The following NLRC5 variants were observed in gnomAD, a reference collection of about 807,000 sequenced individuals.
The protein encoded by NLRC5 is NLR family CARD domain containing 5, also known as protein NLRC5.
NLRC5 carries 114 observed loss-of-function variants against 206.9 expected under a neutral mutation model. That is an observed-to-expected ratio of 0.55 (90% confidence interval 0.47 to 0.64). The LOEUF is 0.64. Among genes scored for constraint, NLRC5 ranks in the 30% least tolerant of loss-of-function variants. The probability of loss-of-function intolerance (pLI) is 0.00; values close to 1 mark genes in which losing one functional copy is unlikely to be tolerated. For synonymous variants in NLRC5, 952 were observed against 962.8 expected (o/e 0.99, Z 0.21); for missense variants, 2,008 against 2,305.5 (o/e 0.87, Z 2.64).
In NLRC5 at chr16:57,029,819, G is replaced by A; in HGVS notation, c.2290G>A (p.Glu764Lys). The A allele has an allele frequency of 6.8e-6, 11 of 1,614,156 alleles. No homozygotes were observed. The highest frequency in any genetic ancestry group is 9.3e-6 in the Non-Finnish European group (11 of 1,180,030). Residue 764 changes from glutamate (E) to lysine (K), a missense_variant, in exon 9 of 49, where the codon GAG becomes AAG. By Grantham distance (56) the Glu-to-Lys change is moderately conservative. Coordinates refer to ENST00000688547, the MANE Select transcript of NLRC5 (RefSeq NM_001384950.1). ...TGACCAGGTGGTGCTGAACATTGTG[G>A]AGGTTCTCCCTCACCTACCACGGCT... ...LSDQVVLNIVEVLPHLPRLRK... is the reference protein window; with the variant it reads ...LSDQVVLNIVKVLPHLPRLRK...
At chr16:57,078,789 T>G (rs1049409919) in intron 43 of NLRC5, among the ~76,000 whole-genome samples, 2 of 152,162 alleles carry the variant, frequency 1.3e-5, no homozygotes, top group Non-Finnish European at 2.9e-5. Flanking sequence ...GACTTTTATG[T>G]GCTCCCTTTT....
Position 57,048,510 on chromosome 16 carries a change from A to G in NLRC5, c.3422+882A>G, listed in dbSNP as rs144837197. Reference sequence around the variant, plus strand: ...GTCCTTCTCCAGGTTCAAACATATAACCACAAAACCATTATCAGACCTACA... The same window carrying G: ...GTCCTTCTCCAGGTTCAAACATATAGCCACAAAACCATTATCAGACCTACA... On this transcript the variant is annotated intron_variant, in intron 23 of 48. Coordinates refer to ENST00000688547, the MANE Select transcript of NLRC5 (RefSeq NM_001384950.1). Among the ~76,000 whole-genome samples, 83 of 150,766 alleles carry G rather than the reference A, an allele frequency of 5.5e-4. 1 individual carries two copies. The East Asian group carries it at 0.013, about 24-fold the overall frequency.
At chr16:56,997,729 C>T (rs772539104) in intron 1 of NLRC5, among the ~76,000 whole-genome samples, 1 of 152,042 alleles carries the variant, frequency 6.6e-6, no homozygotes, top group African/African-American at 2.4e-5. Context: ...CACAGGCACA[C>T]GACACCATGC....
chr16:57,000,666 G>A (rs1271812170), intron 1 of NLRC5, among the ~76,000 whole-genome samples: 1 of 152,116 alleles, frequency 6.6e-6, no homozygotes, highest in Non-Finnish European at 1.5e-5. Context: ...AAGTCCTTTA[G>A]GGCCCTATCT....
chr16:57,035,464 C>A (rs901021071), intron 13 of NLRC5, among the ~76,000 whole-genome samples: 9 of 152,136 alleles, frequency 5.9e-5, no homozygotes, highest in African/African-American at 2.2e-4. Flanking sequence ...CCCCATCTGA[C>A]CCCATCCTTC....
At chr16:57,037,117 C>T (rs2062684942) in intron 14 of NLRC5, 78 bp from the exon 15 acceptor site, 2 of 1,197,362 alleles carry the variant, frequency 1.7e-6, no homozygotes, top group African/African-American at 3.0e-5. Flanking sequence ...GCTGCTGAGC[C>T]ACAGGGAGGG....
intron 39 of NLRC5, 140 bp downstream of exon 39, chr16:57,074,823 C>G (rs897844504): frequency 1.2e-5 from 9 of 770,468 alleles, no homozygotes; most frequent in South Asian, 6.0e-5. Flanking sequence ...TGTGCCCTCC[C>G]AGGTGGGTGC....
At chr16:57,029,683 C>A in intron 8 of NLRC5, 90 bp from the exon 9 acceptor site, 1 of 1,032,174 alleles carries the variant, frequency 9.7e-7, no homozygotes, top group Non-Finnish European at 1.5e-6. Flanking sequence ...ATGTCTCCCA[C>A]ATGAGGGTGG....
chr16:57,066,580 C>T lies in NLRC5; in HGVS notation c.4288C>T (p.Arg1430Cys), dbSNP rs557005239. 33 of 1,613,922 alleles carry T rather than the reference C, an allele frequency of 2.0e-5. No individual in the cohort carries two copies. Among genetic ancestry groups the T allele is most frequent in the African/African-American group, 1.6e-4 (12 of 74,908 alleles). ...GCTCTGTGTCCAGCTGGAATTTCCT[C>T]GCCAGGAAGAGAATCCAGAAGCTGT... Reference protein sequence around the residue: ...QQLCVQLEFPRQEENPEAVAL... With the variant: ...QQLCVQLEFPCQEENPEAVAL... The change falls in exon 34 of 49, where the codon CGC becomes TGC. Residue 1430 changes from arginine (R) to cysteine (C), a missense_variant. Arg to Cys is a radical substitution (Grantham distance 180). Transcript: ENST00000688547.
At chr16:57,067,690 G>A in intron 35 of NLRC5, 46 bp from the exon 36 acceptor site, 1 of 1,569,810 alleles carries the variant, frequency 6.4e-7, no homozygotes, top group Non-Finnish European at 8.8e-7. Context: ...GACCTCTGAG[G>A]TGTGTCCAGC....
At chr16:57,015,245 G>A (rs1337126671) in intron 1 of NLRC5, among the ~76,000 whole-genome samples, 1 of 152,110 alleles carries the variant, frequency 6.6e-6, no homozygotes, top group Non-Finnish European at 1.5e-5. Context: ...CTCTTCTTGT[G>A]AGGGCAGTAA....
chr16:57,047,468 A>G, intron 22 of NLRC5, 77 bp from the exon 23 acceptor site: 1 of 1,269,316 alleles, frequency 7.9e-7, no homozygotes, highest in Non-Finnish European at 1.1e-6. Flanking sequence ...ATGCTGGGAG[A>G]AGGATAGAGC....
At chr16:56,998,549 T>G (rs7198642) in intron 1 of NLRC5, among the ~76,000 whole-genome samples, 27,540 of 152,172 alleles carry the variant, frequency 0.18, 2,530 homozygotes, top group South Asian at 0.25. Context: ...AGAGAGGCTA[T>G]GTAACTGGCC....
intron 2 of NLRC5, among the ~76,000 whole-genome samples, chr16:57,017,407 A>C (rs2060205106): frequency 6.6e-6 from 1 of 152,230 alleles, no homozygotes; most frequent in South Asian, 2.1e-4. Context: ...TACCCATTTT[A>C]GAGATGGTAT....
chr16:57,042,155 A>G, intron 19 of NLRC5, 90 bp downstream of exon 19: 1 of 838,644 alleles, frequency 1.2e-6, no homozygotes, highest in Non-Finnish European at 1.7e-6. Flanking sequence ...GTTATTGTAA[A>G]GATTAAATCG....
intron 24 of NLRC5, chr16:57,053,038 A>G (rs1165237391): frequency 2.0e-5 from 3 of 152,268 alleles, no homozygotes; most frequent in African/African-American, 7.2e-5. Context: ...GTGTGACGAC[A>G]CAGCAGAAAA....
intron 37 of NLRC5, 151 bp from the exon 38 acceptor site, chr16:57,070,384 T>C (rs1387750810): frequency 3.1e-6 from 2 of 644,724 alleles, no homozygotes; most frequent in South Asian, 1.8e-5. Context: ...GGGATACCCA[T>C]GGGGAACCTG....
Position 57,037,277 on chromosome 16 carries a change from C to T in NLRC5, c.2794C>T (p.His932Tyr). ...VSACWTLAEL[H>Y]ISLQHKTVIF... ...TGCGTGCTGGACCCTGGCAGAGCTG[C>T]ACATCAGGTGGGAGCTCCCTCAGAC... Residue 932 changes from histidine to tyrosine, a missense_variant, in exon 15 of 49, where the codon CAC becomes TAC. His to Tyr is a moderately conservative substitution (Grantham distance 83). Coordinates refer to ENST00000688547, the MANE Select transcript of NLRC5 (RefSeq NM_001384950.1). 6.2e-7 allele frequency: 1 copy of T among 1,612,812 alleles called. No homozygotes were observed. Among genetic ancestry groups the T allele is most frequent in the Non-Finnish European group, 8.5e-7 (1 of 1,179,812 alleles).
chr16:57,062,451 G>A (rs1233568880), intron 32 of NLRC5: 1 of 259,278 alleles, frequency 3.9e-6, no homozygotes, highest in Non-Finnish European at 7.6e-6. Context: ...CGGCATCACT[G>A]CCCCCATCCC....
Sources: gnomAD v4.1 joint callset for allele counts (sites outside exome capture counted in the v4.1 genomes callset) on GRCh38, gnomAD v4.1.1 for gene constraint, MANE v1.5 for transcripts, NCBI Gene and HGNC (gene_info 2026-07-23, HGNC 2026-07-21) for gene names.